CPNE7: variants seen among roughly 807,000 people sequenced by gnomAD.
CPNE7 encodes copine 7, also known as copine-7.
Under a neutral mutation model 66.5 loss-of-function variants are expected in CPNE7, and 78 were observed. That is an observed-to-expected ratio of 1.17 (90% CI 0.98 to 1.42). The LOEUF is 1.42. CPNE7 is among the 40% of genes most tolerant of loss of function. CPNE7 has a pLI of 0.00. For missense variants in CPNE7, 1,012 were observed against 776.6 expected (o/e 1.30, Z -3.60); for synonymous variants, 468 against 336.7 (o/e 1.39, Z -4.27).
At chr16:89,581,780 G>T (rs1441049736) in intron 2 of CPNE7, among the ~76,000 whole-genome samples, 1 of 152,214 alleles carries the variant, frequency 6.6e-6, no homozygotes, top group South Asian at 2.1e-4. Context: ...GAGTAGCTGG[G>T]ACTACAGGTG....
rs1214757916 is a variant in CPNE7, at chr16:89,589,933, G to A, written c.1098G>A (p.Arg366=). 1 of 1,613,696 alleles carries A rather than the reference G, an allele frequency of 6.2e-7. No individual in the cohort carries two copies. The highest frequency in any genetic ancestry group is 1.3e-5 in the African/African-American group (1 of 75,052). ...KRFSALGFGA[R]IPPKYEVSHD... Reference sequence around the variant, plus strand: ...TTTCCGCTTTGGGGTTTGGAGCCCGGATCCCTCCCAAGTATGAGGTAGGAG... The same window carrying A: ...TTTCCGCTTTGGGGTTTGGAGCCCGAATCCCTCCCAAGTATGAGGTAGGAG... Residue 366 remains arginine, a synonymous_variant, in exon 11 of 15, where the codon CGG becomes CGA. Transcript: ENST00000319518.
chr16:89,589,776 C>T (rs1200827643), intron 10 of CPNE7, 121 bp from the exon 11 acceptor site: 2 of 1,015,554 alleles, frequency 2.0e-6, no homozygotes, highest in Non-Finnish European at 3.0e-6. Context: ...GTGCTTACTG[C>T]CGTGGTACCA....
In CPNE7 at chr16:89,587,930, CACCCACAGATACACGGCCCCCCGTGTT is replaced by C. The variant is rs1351456710; in HGVS notation, c.928-723_928-697del. ...CACGGCCCCCGTGTCACCCGCGTGTCACCCACAGATACACGGCCCCCCGTGTTACCCACAGATACACGGCCCCCGTGT... is the reference window on the plus strand; with the variant it reads ...CACGGCCCCCGTGTCACCCGCGTGTCACCCACAGATACACGGCCCCCGTGT... On this transcript the variant is annotated intron_variant, in intron 9 of 14. Coordinates refer to ENST00000319518, the MANE Select transcript of CPNE7 (RefSeq NM_153636.3). Among the ~76,000 whole-genome samples, 2 of 42,230 alleles carry C rather than the reference CACCCACAGATACACGGCCCCCCGTGTT, an allele frequency of 4.7e-5. 1 individual carries two copies. Among genetic ancestry groups the C allele is most frequent in the African/African-American group, 1.9e-4 (2 of 10,258 alleles). 27.7% of individuals were successfully genotyped at this position (42,230 alleles called of 152,430 possible).
Position 89,584,785 on chromosome 16 carries a change from C to T in CPNE7, c.519C>T (p.Ser173=). ...ARKLDDKDLF[S]KSDPFLELYR... Reference sequence around the variant, plus strand: ...GTGCCTCTCCCCAGGACCTCTTCAGCAAGTCCGACCCCTTCCTGGAGCTCT... The same window carrying T: ...GTGCCTCTCCCCAGGACCTCTTCAGTAAGTCCGACCCCTTCCTGGAGCTCT... Residue 173 remains serine (S), a synonymous_variant, in exon 5 of 15, where the codon AGC becomes AGT. Transcript: ENST00000319518. The surrounding 1 kb of genome is among the most constrained non-coding windows in gnomAD (Gnocchi z 6.0). The T allele has an allele frequency of 6.2e-7, 1 of 1,613,450 alleles. No homozygotes were observed. Among genetic ancestry groups the T allele is most frequent in the Non-Finnish European group, 8.5e-7 (1 of 1,179,828 alleles).
intron 2 of CPNE7, chr16:89,578,726 C>A (rs1297658762): frequency 2.2e-6 from 3 of 1,345,006 alleles, no homozygotes; most frequent in East Asian, 5.5e-5. Flanking sequence ...CACCACTGCA[C>A]TCCAGCCTGA....
intron 2 of CPNE7, chr16:89,583,325 C>A: frequency 1.0e-6 from 1 of 966,400 alleles, no homozygotes; most frequent in Non-Finnish European, 1.6e-6. Context: ...TGGAGAGGGT[C>A]AGGGCAGCCC....
At chr16:89,590,171 G>A (rs372038750) in intron 11 of CPNE7, among the ~76,000 whole-genome samples, 5 of 152,310 alleles carry the variant, frequency 3.3e-5, no homozygotes, top group African/African-American at 7.2e-5. Flanking sequence ...GGCCAACTCC[G>A]TGTTCCTTCA....
Position 89,584,847 on chromosome 16 carries a change from A to C in CPNE7, c.581A>C (p.Tyr194Ser). 1 of 1,613,388 alleles carries C rather than the reference A, an allele frequency of 6.2e-7. No individual in the cohort carries two copies. Among genetic ancestry groups the C allele is most frequent in the Non-Finnish European group, 8.5e-7 (1 of 1,179,874 alleles). The change falls in exon 5 of 15, where the codon TAC becomes TCC. Residue 194 changes from tyrosine to serine, a missense_variant. Tyr to Ser is a moderately radical substitution (Grantham distance 144, BLOSUM62 -2). Coordinates refer to ENST00000319518, the MANE Select transcript of CPNE7 (RefSeq NM_153636.3). The surrounding 1 kb of genome is among the most constrained non-coding windows in gnomAD (Gnocchi z 6.0). ...VNDDQGLQLV[Y>S]RTEVVKNNLN... ...GACGACCAGGGCTTGCAGCTGGTGTACAGGACGGAGGTGAGCGGCCGGGGA... is the reference window on the plus strand; with the variant it reads ...GACGACCAGGGCTTGCAGCTGGTGTCCAGGACGGAGGTGAGCGGCCGGGGA...
At chr16:89,590,482 A>G (rs2059150526) in intron 11 of CPNE7, among the ~76,000 whole-genome samples, 2 of 152,044 alleles carry the variant, frequency 1.3e-5, no homozygotes, top group Admixed American at 1.3e-4. Flanking sequence ...CTGAGATCGC[A>G]CCACTGCAGT....
rs1365314836 is a variant in CPNE7, at chr16:89,596,711, G to A, written c.*90G>A. The A allele has an allele frequency of 2.7e-5, 37 of 1,369,848 alleles. No homozygotes were observed. The highest frequency in any genetic ancestry group is 3.3e-5 in the Non-Finnish European group (35 of 1,052,826). 84.9% of individuals were successfully genotyped at this position (1,369,848 alleles called of 1,614,324 possible). On this transcript the variant is annotated 3_prime_UTR_variant, in exon 15 of 15. Coordinates refer to ENST00000319518, the MANE Select transcript of CPNE7 (RefSeq NM_153636.3). ...GCTTGGGGTCCCTTAAGCTCCCTCC[G>A]ACCTCCCAGAAGCCTCCAGTCCCCA...
intron 8 of CPNE7, 118 bp downstream of exon 8, chr16:89,586,874 G>T: frequency 1.8e-6 from 2 of 1,134,760 alleles, no homozygotes; most frequent in Non-Finnish European, 2.6e-6. Context: ...CGTCTGGGGA[G>T]GGGCTGAGAG....
intron 13 of CPNE7, among the ~76,000 whole-genome samples, chr16:89,592,096 C>T (rs1465955160): frequency 6.7e-6 from 1 of 149,592 alleles, no homozygotes; most frequent in Admixed American, 6.7e-5. Context: ...GCAACCTCCC[C>T]CTCCCAGGTT....
rs188505272 is a variant in CPNE7 at position 89,577,410 on chromosome 16, A to C, written c.175-129A>C. 278 of 913,418 alleles carry C rather than the reference A, an allele frequency of 3.0e-4. 1 individual carries two copies. The East Asian group carries it at 6.9e-3, about 23-fold the overall frequency. 56.6% of individuals were successfully genotyped at this position (913,418 alleles called of 1,614,324 possible). ...GTGGTCCCATGGACAGAGAGCAGGC[A>C]GGAGGTCTTCCCAGGGTATGAGTCC... is the stretch of plus-strand genomic sequence containing the variant. On this transcript the variant is annotated intron_variant, in intron 1 of 14. Coordinates refer to ENST00000319518, the MANE Select transcript of CPNE7 (RefSeq NM_153636.3).
chr16:89,581,506 C>T (rs1239006967), intron 2 of CPNE7, among the ~76,000 whole-genome samples: 4 of 151,992 alleles, frequency 2.6e-5, no homozygotes, highest in African/African-American at 9.6e-5. Flanking sequence ...ATAATGTCTG[C>T]GTGACTCATC....
rs866078850 is a variant in CPNE7, at chr16:89,585,336, G to C, written c.592-128G>C. The C allele has an allele frequency of 2.6e-5, 18 of 693,780 alleles. No individual in the cohort carries two copies. In the East Asian group the frequency reaches 3.2e-4, roughly 13 times the overall value. 43.0% of individuals were successfully genotyped at this position (693,780 alleles called of 1,614,324 possible). ...AGCCCCAGCTCAGGGCCCCGGCGCT[G>C]TCTGGGGTGATGCAGGGGCAGGGCC... On this transcript the variant is annotated intron_variant, in intron 5 of 14. Transcript: ENST00000319518.
At chr16:89,589,391 G>C (rs1336963162) in intron 10 of CPNE7, among the ~76,000 whole-genome samples, 1 of 152,224 alleles carries the variant, frequency 6.6e-6, no homozygotes, top group African/African-American at 2.4e-5. Flanking sequence ...GTCCCGCTTT[G>C]CCAGAATAGC....
chr16:89,577,799 A>AC, intron 2 of CPNE7, 78 bp downstream of exon 2: 2 of 1,453,940 alleles, frequency 1.4e-6, no homozygotes, highest in Non-Finnish European at 1.9e-6. Context: ...ATGTACCAGC[A>AC]CCGCAGGGAC....
At position 89,575,939 on chromosome 16, in the gene CPNE7, G is replaced by C. The variant is rs1303305494; in HGVS notation, c.42G>C (p.Gly14=). 18 of 1,325,116 alleles carry C rather than the reference G, an allele frequency of 1.4e-5. No individual in the cohort carries two copies. The highest frequency in any genetic ancestry group is 1.6e-5 in the Non-Finnish European group (17 of 1,037,968). The allele number at this position is 1,325,116 out of a possible 1,614,324, so 82.1% of individuals were successfully genotyped here. The part of the protein sequence containing the change: ...GSERGAAATP[G]GLPAPCASKV... ...AGCGCGGGGCGGCGGCAACCCCCGG[G>C]GGTTTGCCCGCGCCCTGCGCCTCGA... Residue 14 remains glycine, a synonymous_variant, in exon 1 of 15, where the codon GGG becomes GGC. Transcript: ENST00000319518.
At position 89,584,175 on chromosome 16, in the gene CPNE7, C is replaced by G. The variant is rs2058999853; in HGVS notation, c.507+73C>G. 2 of 1,462,320 alleles carry G rather than the reference C, an allele frequency of 1.4e-6. No homozygotes were observed. Among genetic ancestry groups the G allele is most frequent in the African/African-American group, 1.4e-5 (1 of 70,968 alleles). 90.6% of individuals were successfully genotyped at this position (1,462,320 alleles called of 1,614,324 possible). A position where few individuals can be genotyped will look rare whatever the true frequency, so the allele number is the denominator to read the frequency against. On this transcript the variant is annotated intron_variant, in intron 4 of 14. Coordinates refer to ENST00000319518, the MANE Select transcript of CPNE7 (RefSeq NM_153636.3). The surrounding 1 kb of genome is among the most constrained non-coding windows in gnomAD (Gnocchi z 6.0). ...CCGGTTCGAAAACCCGGTCCCTGCC[C>G]AGCGCTGACCTCGCGTGGCTATGTC...
Sources: allele counts gnomAD v4.1 joint callset (sites outside exome capture counted in the v4.1 genomes callset), GRCh38; gene constraint gnomAD v4.1.1; non-coding constraint Gnocchi (gnomAD v3.1); transcripts MANE v1.5; gene names NCBI Gene and HGNC (gene_info 2026-07-23, HGNC 2026-07-21).